Variants in RBFOX3 observed in about 807,000 individuals in gnomAD.
RBFOX3 encodes the protein RNA binding protein fox-1 homolog 3.
In RBFOX3, 17 loss-of-function variants were observed where a neutral mutation model predicts 48.7. The observed-to-expected ratio is 0.35, with a 90% CI of 0.24 to 0.52. The LOEUF (loss-of-function observed/expected upper bound fraction) is 0.52. Ranked by LOEUF, RBFOX3 falls within the 20% of genes least tolerant of loss-of-function variation. RBFOX3 has a pLI of 0.94. For missense variants in RBFOX3, 382 were observed against 497.5 expected (o/e 0.77, Z 2.21); for synonymous variants, 212 against 209.5 (o/e 1.01, Z -0.10).
At chr17:79,112,628 C>T (rs987749044) in intron 5 of RBFOX3, among the ~76,000 whole-genome samples, 46 of 152,190 alleles carry the variant, frequency 3.0e-4, no homozygotes, top group African/African-American at 1.0e-3. Context: ...CCTGTGTGGG[C>T]CCCCGGGCCT....
chr17:79,554,239 T>C (rs2091413360), intron 1 of RBFOX3, among the ~76,000 whole-genome samples: 1 of 152,224 alleles, frequency 6.6e-6, no homozygotes, highest in Non-Finnish European at 1.5e-5. Context: ...TTAACTGAGT[T>C]ACTTTTGTTC....
intron 3 of RBFOX3, among the ~76,000 whole-genome samples, chr17:79,246,099 T>A (rs1035138708): frequency 1.3e-5 from 2 of 152,188 alleles, no homozygotes; most frequent in African/African-American, 4.8e-5. Context: ...CTGTCTTCCA[T>A]TGTCTGACCT....
At chr17:79,274,177 T>C (rs1398443161) in intron 3 of RBFOX3, among the ~76,000 whole-genome samples, 1 of 152,140 alleles carries the variant, frequency 6.6e-6, no homozygotes, top group Non-Finnish European at 1.5e-5. Context: ...TGGGCACTGG[T>C]ACCCCTCCTA....
intron 4 of RBFOX3, among the ~76,000 whole-genome samples, chr17:79,177,747 C>T (rs1454697190): frequency 6.6e-6 from 1 of 152,208 alleles, no homozygotes; most frequent in Non-Finnish European, 1.5e-5. Flanking sequence ...TTCCTGGGAA[C>T]TGGTACATGA....
At chr17:79,374,391 T>G (rs1434455154) in intron 2 of RBFOX3, among the ~76,000 whole-genome samples, 1 of 152,238 alleles carries the variant, frequency 6.6e-6, no homozygotes, top group Admixed American at 6.5e-5. Context: ...AGAACAAGGC[T>G]GAGCCTTTCT....
the RBFOX3 span, among the ~76,000 whole-genome samples, chr17:79,625,869 G>A: frequency 4.6e-5 from 7 of 152,170 alleles, no homozygotes; most frequent in East Asian, 1.9e-4. Flanking sequence ...GTGCGCAGAC[G>A]GGGGTGGCTG....
At chr17:79,355,412 G>A (rs1015684384) in intron 2 of RBFOX3, among the ~76,000 whole-genome samples, 9 of 152,258 alleles carry the variant, frequency 5.9e-5, no homozygotes, top group East Asian at 5.8e-4. Flanking sequence ...ACCCGCCCCC[G>A]TTTCCAATGC....
chr17:79,139,340 G>A (rs1157325460), intron 4 of RBFOX3, among the ~76,000 whole-genome samples: 1 of 152,194 alleles, frequency 6.6e-6, no homozygotes, highest in Non-Finnish European at 1.5e-5. Context: ...TGCATGCCAG[G>A]TGACTATGTC....
intron 2 of RBFOX3, among the ~76,000 whole-genome samples, chr17:79,449,622 A>AACACACACACACACAC (rs57480439): frequency 0.25 from 36,184 of 144,316 alleles, 4,893 homozygotes; most frequent in Non-Finnish European, 0.3. Context: ...TGCACACATA[A>AACACACACACACACAC]ACACACACAC....
intron 4 of RBFOX3, among the ~76,000 whole-genome samples, chr17:79,130,011 G>A (rs576823096): frequency 1.1e-4 from 17 of 152,306 alleles, no homozygotes; most frequent in Admixed American, 3.9e-4. Flanking sequence ...TGCGGGGACC[G>A]GGAGGAGGCT....
At chr17:79,255,361 T>C (rs1230522048) in intron 3 of RBFOX3, among the ~76,000 whole-genome samples, 1 of 151,848 alleles carries the variant, frequency 6.6e-6, no homozygotes, top group East Asian at 1.9e-4. Flanking sequence ...AGTGACACCG[T>C]TGAGAGACAC....
intron 2 of RBFOX3, among the ~76,000 whole-genome samples, chr17:79,318,795 C>T (rs2077923664): frequency 7.6e-6 from 1 of 132,366 alleles, no homozygotes; most frequent in South Asian, 2.5e-4. Context: ...GCAAAGTTTG[C>T]AGTGAGCCGA....
chr17:79,246,958 G>A lies in RBFOX3; in HGVS notation c.-73-11153C>T, dbSNP rs76997845. On this transcript the variant is annotated intron_variant, in intron 3 of 14. Coordinates refer to ENST00000693108, the MANE Select transcript of RBFOX3 (RefSeq NM_001350451.2). ...AGCACGCAGGCAGCTGGAGAACGCC[G>A]GCTTCTTAGATGAGCGCGTTTCATT... is the stretch of plus-strand genomic sequence containing the variant. 6.8e-3 allele frequency among the ~76,000 whole-genome samples: 1,034 copies of A among 152,246 alleles called. 8 individuals are homozygous for A. The highest frequency in any genetic ancestry group is 0.023 in the African/African-American group (966 of 41,530).
rs1215718965 is a variant in RBFOX3, at chr17:79,372,312, C to G, written c.-174-64488G>C. ...ATAGCCCCTCTATACTATAGACCCC[C>G]CCCTGTCAAATCCCCCCCATCCTAT... On this transcript the variant is annotated intron_variant, in intron 2 of 14. Transcript: ENST00000693108. Among the ~76,000 whole-genome samples, 3 of 122,460 alleles carry G rather than the reference C, an allele frequency of 2.4e-5. No individual in the cohort carries two copies. The East Asian group carries it at 9.0e-4, about 37-fold the overall frequency. 80.3% of individuals were successfully genotyped at this position (122,460 alleles called of 152,430 possible).
chr17:79,169,009 C>T (rs1327077228), intron 4 of RBFOX3, among the ~76,000 whole-genome samples: 7 of 152,208 alleles, frequency 4.6e-5, no homozygotes, highest in East Asian at 3.8e-4. Context: ...ACCCCAAACA[C>T]GCACACTGGC....
chr17:79,542,426 C>T (rs1555790626), intron 1 of RBFOX3, among the ~76,000 whole-genome samples: 2 of 152,294 alleles, frequency 1.3e-5, no homozygotes, highest in East Asian at 3.9e-4. Flanking sequence ...GGAGGGATCC[C>T]AATGAATCAG....
In RBFOX3 at chr17:79,398,675, G is replaced by A. The variant is rs560435658; in HGVS notation, c.-175+83779C>T. Among the ~76,000 whole-genome samples the A allele has an allele frequency of 8.5e-5, 13 of 152,356 alleles. No individual in the cohort carries two copies. The East Asian group carries it at 9.7e-4, about 11-fold the overall frequency. On this transcript the variant is annotated intron_variant, in intron 2 of 14. Transcript: ENST00000693108. ...GATGCGGCTCCCACGTAGCAGCAGC[G>A]CTGAGGCTGAGAGAGCGGAATTACC... is the stretch of plus-strand genomic sequence containing the variant.
intron 3 of RBFOX3, among the ~76,000 whole-genome samples, chr17:79,282,287 G>C (rs2070745036): frequency 6.6e-6 from 1 of 152,190 alleles, no homozygotes; most frequent in Admixed American, 6.5e-5. Context: ...AGGGGTGCAA[G>C]GAGAAGAGGG....
At chr17:79,620,343 G>GCA in the RBFOX3 span, among the ~76,000 whole-genome samples, 18 of 136,828 alleles carry the variant, frequency 1.3e-4, no homozygotes, top group Non-Finnish European at 2.0e-4. Flanking sequence ...ACACAGACAT[G>GCA]CACACACACG....
Sources: allele counts gnomAD v4.1 joint callset (sites outside exome capture counted in the v4.1 genomes callset), GRCh38; gene constraint gnomAD v4.1.1; transcripts MANE v1.5; gene names NCBI Gene and HGNC (gene_info 2026-07-23, HGNC 2026-07-21).